Variants in RTN3 observed in about 807,000 individuals in gnomAD.
RTN3 encodes the protein reticulon 3.
Under a neutral mutation model 77.8 loss-of-function variants are expected in RTN3, and 49 were observed. That is an observed-to-expected ratio of 0.63 (90% confidence interval 0.50 to 0.80). The LOEUF is 0.80. RTN3 is among the 30% of genes least tolerant of loss of function. RTN3 has a pLI of 0.00. For synonymous variants in RTN3, 464 were observed against 446.9 expected, an observed-to-expected ratio of 1.04 and a Z score of -0.48; for missense variants, 1,236 against 1,211.9, an observed-to-expected ratio of 1.02 and a Z score of -0.29.
At chr11:63,700,131 G>A (rs537800925) in intron 1 of RTN3, among the ~76,000 whole-genome samples, 17 of 152,264 alleles carry the variant, frequency 1.1e-4, no homozygotes, top group African/African-American at 4.1e-4. Context: ...CATGCTCATA[G>A]GCTCTTCTTT....
rs1484497461 is a variant in RTN3 at position 63,712,411 on chromosome 11, C to T, written c.200-6291C>T. On this transcript the variant is annotated intron_variant, in intron 2 of 8. Transcript: ENST00000377819. Reference sequence around the variant, plus strand: ...TCTAAAGTTAGGTGCTTTAATTTTCCCATTTTGATGAGATTGGATTAAGCA... The same window carrying T: ...TCTAAAGTTAGGTGCTTTAATTTTCTCATTTTGATGAGATTGGATTAAGCA... Among the ~76,000 whole-genome samples the T allele has an allele frequency of 3.3e-5, 5 of 151,978 alleles. No individual in the cohort carries two copies. In the East Asian group the frequency reaches 9.6e-4, roughly 29 times the overall value.
At chr11:63,729,460 G>T (rs1202130) in intron 3 of RTN3, among the ~76,000 whole-genome samples, 45,816 of 49,142 alleles carry the variant, frequency 0.93, 21,555 homozygotes, top group Non-Finnish European at 0.97. Flanking sequence ...TTTTTTTTTT[G>T]TTTGTTTGAG....
intron 1 of RTN3, among the ~76,000 whole-genome samples, chr11:63,689,630 T>C (rs1437043179): frequency 6.6e-6 from 1 of 152,112 alleles, no homozygotes; most frequent in Non-Finnish European, 1.5e-5. Flanking sequence ...TAACTATTCT[T>C]ACCTGTTTTC....
Position 63,719,991 on chromosome 11 carries a change from T to C in RTN3, c.1489T>C (p.Ser497Pro), listed in dbSNP as rs755095662. 2 of 1,614,186 alleles carry C rather than the reference T, an allele frequency of 1.2e-6. No homozygotes were observed. The highest frequency in any genetic ancestry group is 1.7e-6 in the Non-Finnish European group (2 of 1,180,032). Residue 497 changes from serine to proline, a missense_variant, in exon 3 of 9, where the codon TCT becomes CCT. Ser to Pro is a moderately conservative substitution (Grantham distance 74). Transcript: ENST00000377819. Reference protein sequence around the residue: ...ALGEITEADSSGESDDTVIED... With the variant: ...ALGEITEADSPGESDDTVIED... ...GGGAGAAATCACAGAAGCTGATAGT[T>C]CTGGTGAGTCTGATGACACAGTAAT... is the stretch of plus-strand genomic sequence containing the variant.
intron 1 of RTN3, among the ~76,000 whole-genome samples, chr11:63,693,613 C>T (rs865836575): frequency 6.6e-6 from 1 of 152,068 alleles, no homozygotes; most frequent in South Asian, 2.1e-4. Flanking sequence ...GCTTATAATT[C>T]GTAATTTCTA....
rs1941036114 is a variant in RTN3, at chr11:63,681,554, A to G, written c.-83A>G. 2.2e-6 allele frequency: 3 copies of G among 1,375,954 alleles called. No individual in the cohort carries two copies. The highest frequency in any genetic ancestry group is 2.9e-5 in the South Asian group (2 of 69,354). 85.2% of individuals were successfully genotyped at this position (1,375,954 alleles called of 1,614,324 possible). On this transcript the variant is annotated 5_prime_UTR_variant, in exon 1 of 9. Transcript: ENST00000377819. Reference sequence around the variant, plus strand: ...CGGAGTAAAGGGACTTGAGCGAGCCAGTTGCCGGATTATTCTATTTCCCCT... The same window carrying G: ...CGGAGTAAAGGGACTTGAGCGAGCCGGTTGCCGGATTATTCTATTTCCCCT...
chr11:63,709,584 T>TA lies in RTN3; in HGVS notation c.199+4690dup, dbSNP rs35947507. On this transcript the variant is annotated intron_variant, in intron 2 of 8. Transcript: ENST00000377819. ...AAATTTGCCAGTTACAGCCTTTTTT[T>TA]AAAAAAAAAAAAAGAAAAACATTTT... Among the ~76,000 whole-genome samples, 308 of 148,778 alleles carry TA rather than the reference T, an allele frequency of 2.1e-3. 1 individual carries two copies. Among genetic ancestry groups the TA allele is most frequent in the African/African-American group, 7.1e-3 (290 of 40,586 alleles).
chr11:63,685,952 G>T (rs527586942), intron 1 of RTN3, among the ~76,000 whole-genome samples: 2 of 152,300 alleles, frequency 1.3e-5, no homozygotes, highest in East Asian at 3.9e-4. Flanking sequence ...AATGTAGTAT[G>T]CTTAGAGATG....
chr11:63,752,027 G>GT (rs1172670195), intron 4 of RTN3, among the ~76,000 whole-genome samples: 4 of 151,930 alleles, frequency 2.6e-5, no homozygotes, highest in African/African-American at 9.7e-5. Context: ...CCAGTACCCT[G>GT]TTTTTATGTG....
In RTN3 at chr11:63,750,052, G is replaced by A. The variant is rs1041777349; in HGVS notation, c.2592G>A (p.Leu864=). Residue 864 remains leucine, a synonymous_variant, in exon 4 of 9, where the codon CTG becomes CTA. Coordinates refer to ENST00000377819, the MANE Select transcript of RTN3 (RefSeq NM_001265589.2). ...CTGGGTTTGTCTTTGGCACCACGCT[G>A]ATCATGCTGCTTTCCCTGGCAGCTT... ...KKTGFVFGTT[L]IMLLSLAAFS... 1.9e-6 allele frequency: 3 copies of A among 1,613,884 alleles called. No individual in the cohort carries two copies. The highest frequency in any genetic ancestry group is 4.5e-5 in the East Asian group (2 of 44,884).
chr11:63,729,858 A>C (rs573442294), intron 3 of RTN3, among the ~76,000 whole-genome samples: 1 of 151,450 alleles, frequency 6.6e-6, no homozygotes, highest in East Asian at 1.9e-4. Context: ...GAGTGGCATG[A>C]ACACAGCTCA....
intron 2 of RTN3, among the ~76,000 whole-genome samples, chr11:63,705,435 G>A (rs575015318): frequency 6.6e-5 from 10 of 152,280 alleles, no homozygotes; most frequent in South Asian, 4.1e-4. Context: ...AGCGATGATC[G>A]TGCCACTGCA....
intron 8 of RTN3, among the ~76,000 whole-genome samples, chr11:63,757,707 C>T (rs2014451534): frequency 6.8e-6 from 1 of 146,224 alleles, no homozygotes. Context: ...AATTTGTTAA[C>T]ATTTTTCTTT....
intron 2 of RTN3, among the ~76,000 whole-genome samples, chr11:63,709,501 G>A (rs766566606): frequency 1.3e-5 from 2 of 151,900 alleles, no homozygotes; most frequent in Non-Finnish European, 2.9e-5. Flanking sequence ...AATGCAGTAG[G>A]CATCTGGAAT....
intron 1 of RTN3, among the ~76,000 whole-genome samples, chr11:63,691,026 T>C (rs1210246304): frequency 2.0e-5 from 3 of 152,032 alleles, no homozygotes; most frequent in Non-Finnish European, 4.4e-5. Context: ...AATTCACCGT[T>C]CTTCCCTCCC....
At chr11:63,705,043 C>T (rs1942431038) in intron 2 of RTN3, 136 bp downstream of exon 2, 2 of 741,124 alleles carry the variant, frequency 2.7e-6, no homozygotes, top group African/African-American at 3.5e-5. Flanking sequence ...CTGATTCTTT[C>T]TATTTAGCAG....
At chr11:63,722,186 G>C (rs1263759616) in intron 3 of RTN3, among the ~76,000 whole-genome samples, 2 of 152,036 alleles carry the variant, frequency 1.3e-5, no homozygotes, top group African/African-American at 2.4e-5. Flanking sequence ...TCTACTGTAT[G>C]GTCAGTGTTA....
intron 1 of RTN3, among the ~76,000 whole-genome samples, chr11:63,682,901 A>G (rs534978501): frequency 4.6e-5 from 7 of 152,250 alleles, no homozygotes; most frequent in African/African-American, 1.7e-4. Context: ...TTTGAAGGGA[A>G]AAAAAATGCC....
intron 3 of RTN3, among the ~76,000 whole-genome samples, chr11:63,724,669 TA>T (rs973061951): frequency 8.6e-5 from 13 of 151,934 alleles, no homozygotes; most frequent in African/African-American, 3.1e-4. Flanking sequence ...TTTTTTGTAT[TA>T]TTAGTAAAGA....
Sources: allele counts gnomAD v4.1 joint callset (sites outside exome capture counted in the v4.1 genomes callset), GRCh38; gene constraint gnomAD v4.1.1; transcripts MANE v1.5; gene names NCBI Gene and HGNC (gene_info 2026-07-23, HGNC 2026-07-21).